The following PRKD3 variants were observed in gnomAD, a reference collection of about 807,000 sequenced individuals.
The protein encoded by PRKD3 is protein kinase D3, also known as serine/threonine-protein kinase D3.
A neutral mutation model predicts 99.2 loss-of-function variants in PRKD3; 47 were observed. The ratio of observed to expected loss-of-function variants is 0.47; its 90% CI spans 0.38 to 0.60. The LOEUF (loss-of-function observed/expected upper bound fraction) is 0.60, where lower values mean the gene tolerates loss of function less well. PRKD3 is among the 20% of genes least tolerant of loss of function. PRKD3 has a pLI of 0.00. For missense variants in PRKD3, 1,019 were observed against 1,088.4 expected (o/e 0.94, Z 0.90); for synonymous variants, 392 against 355.4 (o/e 1.10, Z -1.16).
At position 37,278,145 on chromosome 2, in the gene PRKD3, T is replaced by C. The variant is rs936447118; in HGVS notation, c.1173-156A>G. 2.2e-5 allele frequency: 10 copies of C among 464,584 alleles called. No individual in the cohort carries two copies. The Admixed American group carries it at 3.2e-4, about 15-fold the overall frequency. The allele number at this position is 464,584 out of a possible 1,614,324, so 28.8% of individuals were successfully genotyped here. A position where few individuals can be genotyped will look rare whatever the true frequency, so the allele number is the denominator to read the frequency against. On this transcript the variant is annotated intron_variant, in intron 8 of 18. Transcript: ENST00000234179. ...GGCTGAAGAAAAATTAATCCTGTTA[T>C]GATGATACATAAAAGATTCTATTTT... is the stretch of plus-strand genomic sequence containing the variant.
At chr2:37,257,008 T>A in intron 16 of PRKD3, 79 bp from the exon 17 acceptor site, 2 of 1,445,724 alleles carry the variant, frequency 1.4e-6, no homozygotes, top group Non-Finnish European at 1.9e-6. Context: ...TAACACTGTA[T>A]GTATCATTTC....
At chr2:37,300,683 A>C (rs1343504025) in intron 2 of PRKD3, among the ~76,000 whole-genome samples, 1 of 152,206 alleles carries the variant, frequency 6.6e-6, no homozygotes, top group Admixed American at 6.5e-5. Context: ...AATAGAAATA[A>C]AAGAGATTAG....
chr2:37,256,468 T>C (rs930762002), intron 17 of PRKD3, among the ~76,000 whole-genome samples, 194 bp downstream of exon 17: 2 of 152,088 alleles, frequency 1.3e-5, no homozygotes, highest in South Asian at 2.1e-4. Flanking sequence ...CTGGGAACTA[T>C]ACAGAAGACA....
chr2:37,294,042 A>G (rs4670685), intron 2 of PRKD3, among the ~76,000 whole-genome samples: 14,917 of 152,124 alleles, frequency 0.098, 1,154 homozygotes, highest in East Asian at 0.36. Context: ...GTTTCATCTC[A>G]TTTTCTGACC....
chr2:37,311,929 G>GA (rs1671442645), intron 2 of PRKD3, among the ~76,000 whole-genome samples: 1 of 152,176 alleles, frequency 6.6e-6, no homozygotes, highest in Non-Finnish European at 1.5e-5. Context: ...AGTCTGGGTT[G>GA]AAAACCACTG....
intron 3 of PRKD3, among the ~76,000 whole-genome samples, chr2:37,292,433 C>G (rs144757514): frequency 0.018 from 2,698 of 151,900 alleles, 34 homozygotes; most frequent in African/African-American, 0.033. Context: ...GCAAGCTCCA[C>G]CTCCTAGGTT....
chr2:37,302,094 C>G (rs539815273), intron 2 of PRKD3, among the ~76,000 whole-genome samples: 1 of 152,166 alleles, frequency 6.6e-6, no homozygotes, highest in African/African-American at 2.4e-5. Context: ...AAGTTGGCAA[C>G]CTTTTGAAAA....
intron 13 of PRKD3, 42 bp from the exon 14 acceptor site, chr2:37,267,578 C>T: frequency 7.2e-7 from 1 of 1,380,530 alleles, no homozygotes; most frequent in Non-Finnish European, 1.0e-6. Flanking sequence ...AGCAAACTGA[C>T]AGCTTTATTA....
intron 3 of PRKD3, among the ~76,000 whole-genome samples, chr2:37,291,749 A>G (rs533628308): frequency 5.3e-5 from 8 of 152,320 alleles, no homozygotes; most frequent in Non-Finnish European, 1.0e-4. Flanking sequence ...GTGGGGACTA[A>G]TAAGGACAGA....
At chr2:37,307,383 G>C (rs1381932614) in intron 2 of PRKD3, among the ~76,000 whole-genome samples, 1 of 152,156 alleles carries the variant, frequency 6.6e-6, no homozygotes, top group African/African-American at 2.4e-5. Context: ...GGAAAAACAA[G>C]CTCTACAAAC....
chr2:37,300,451 G>C (rs748227762), intron 2 of PRKD3, among the ~76,000 whole-genome samples: 26 of 152,178 alleles, frequency 1.7e-4, no homozygotes, highest in Non-Finnish European at 1.3e-4. Flanking sequence ...ATAAGATCCA[G>C]TGTTTGGTAG....
Position 37,303,299 on chromosome 2 carries a change from T to C in PRKD3, c.289-10028A>G, listed in dbSNP as rs2124874480. On this transcript the variant is annotated intron_variant, in intron 2 of 18. Coordinates refer to ENST00000234179, the MANE Select transcript of PRKD3 (RefSeq NM_005813.6). ...TCTGGGGGATCTCATTGTTCTTAGA[T>C]GCCAGACAAGCACTGGAGACCCAAC... Among the ~76,000 whole-genome samples, 3 of 152,188 alleles carry C rather than the reference T, an allele frequency of 2.0e-5. No individual in the cohort carries two copies. In the Middle Eastern group the frequency reaches 0.01, roughly 518 times the overall value.
intron 1 of PRKD3, among the ~76,000 whole-genome samples, chr2:37,323,673 G>C (rs1170664118): frequency 2.6e-5 from 4 of 151,624 alleles, no homozygotes; most frequent in Non-Finnish European, 5.9e-5. Flanking sequence ...TAAGTAGAAG[G>C]GTAAAAAAAA....
chr2:37,306,764 A>G (rs2300883), intron 2 of PRKD3, among the ~76,000 whole-genome samples: 9,961 of 152,250 alleles, frequency 0.065, 854 homozygotes, highest in East Asian at 0.36. Context: ...AGCCGTGATC[A>G]TGCCATTGCA....
chr2:37,260,258 G>A lies in PRKD3; in HGVS notation c.2011C>T (p.Leu671Phe). 6.2e-7 allele frequency: 1 copy of A among 1,611,742 alleles called. No homozygotes were observed. Among genetic ancestry groups the A allele is most frequent in the Non-Finnish European group, 8.5e-7 (1 of 1,178,280 alleles). Residue 671 changes from leucine to phenylalanine, a missense_variant, in exon 15 of 19, where the codon CTT (leucine) becomes TTT (phenylalanine). Transcript: ENST00000234179. Reference sequence around the variant, plus strand: ...ATGAATTTAGTAATTCGTTCTGGAAGCCGACTTTTCTCACTGGATAGAATC... The same window carrying A: ...ATGAATTTAGTAATTCGTTCTGGAAACCGACTTTTCTCACTGGATAGAATC... ...EMILSSEKSR[L>F]PERITKFMVT...
At chr2:37,292,709 G>C (rs1670493694) in intron 3 of PRKD3, among the ~76,000 whole-genome samples, 1 of 151,896 alleles carries the variant, frequency 6.6e-6, no homozygotes, top group East Asian at 1.9e-4. Context: ...GCAGTAGTGT[G>C]ATCATGGCCC....
At chr2:37,301,780 G>A (rs75205301) in intron 2 of PRKD3, among the ~76,000 whole-genome samples, 3,461 of 152,348 alleles carry the variant, frequency 0.023, 59 homozygotes, top group Middle Eastern at 0.051. Flanking sequence ...AAAAGCAGCA[G>A]AGGTGATGAC....
chr2:37,322,506 A>T (rs1173261893), intron 1 of PRKD3, among the ~76,000 whole-genome samples: 1 of 152,206 alleles, frequency 6.6e-6, no homozygotes, highest in African/African-American at 2.4e-5. Context: ...GGAACTGAAA[A>T]GTTTATCCAG....
At chr2:37,260,487 T>A in intron 14 of PRKD3, 103 bp from the exon 15 acceptor site, 1 of 1,053,830 alleles carries the variant, frequency 9.5e-7, no homozygotes, top group South Asian at 1.4e-5. Flanking sequence ...AAAGAAAGCC[T>A]AGAGAAGTAA....
Sources: allele counts gnomAD v4.1 joint callset (sites outside exome capture counted in the v4.1 genomes callset), GRCh38; gene constraint gnomAD v4.1.1; transcripts MANE v1.5; gene names NCBI Gene and HGNC (gene_info 2026-07-23, HGNC 2026-07-21).